The following FHIT variants were observed in gnomAD, a reference collection of about 807,000 sequenced individuals.
FHIT encodes fragile histidine triad diadenosine triphosphatase, also known as bis(5'-adenosyl)-triphosphatase.
In FHIT, 19 loss-of-function variants were observed where a neutral mutation model predicts 17.9. That is an observed-to-expected ratio of 1.06 (90% confidence interval 0.74 to 1.56). The LOEUF is 1.56. Among genes scored for constraint, FHIT ranks in the 40% most tolerant of loss-of-function variants. The probability of loss-of-function intolerance (pLI) is 0.00; values close to 1 mark genes in which losing one functional copy is unlikely to be tolerated. For synonymous variants in FHIT, 81 were observed against 69.7 expected, an observed-to-expected ratio of 1.16 and a Z score of -0.81; for missense variants, 248 against 189.2, an observed-to-expected ratio of 1.31 and a Z score of -1.82.
At chr3:60,236,885 A>G (rs1460751528) in intron 5 of FHIT, among the ~76,000 whole-genome samples, 6 of 152,148 alleles carry the variant, frequency 3.9e-5, no homozygotes, top group Non-Finnish European at 5.9e-5. Flanking sequence ...CACATATACA[A>G]GCTTTGTGTT....
rs142443494 is a variant in FHIT, at chr3:60,576,998, T to C, written c.-17-40019A>G. Among the ~76,000 whole-genome samples the C allele has an allele frequency of 2.9e-3, 435 of 148,020 alleles. 1 individual carries two copies. The highest frequency in any genetic ancestry group is 0.01 in the African/African-American group (417 of 40,120). On this transcript the variant is annotated intron_variant, in intron 4 of 9. Coordinates refer to ENST00000492590, the MANE Select transcript of FHIT (RefSeq NM_002012.4). ...CACACACAGGTCTCATCCAGTGATA[T>C]AGATAATTCAATATTCAACTTGTCG...
At chr3:61,204,919 A>C (rs1051967994) in intron 1 of FHIT, among the ~76,000 whole-genome samples, 3 of 151,778 alleles carry the variant, frequency 2.0e-5, no homozygotes, top group Non-Finnish European at 2.9e-5. Context: ...GGTGTGCTGC[A>C]CCCATTAACT....
chr3:60,614,809 GTTTTTTTTTTGTTTTTT>G (rs782127540), intron 4 of FHIT, among the ~76,000 whole-genome samples: 3 of 78,226 alleles, frequency 3.8e-5, no homozygotes. Flanking sequence ...TGCAAAAGTT[GTTTTTTTTTTGTTTTTT>G]TTTTGTTTTT....
At chr3:60,413,111 G>A (rs1702122428) in intron 5 of FHIT, among the ~76,000 whole-genome samples, 1 of 152,124 alleles carries the variant, frequency 6.6e-6, no homozygotes, top group South Asian at 2.1e-4. Context: ...TCTCAGACAT[G>A]TTGTTGATGT....
chr3:59,856,013 C>T (rs925318151), intron 8 of FHIT, among the ~76,000 whole-genome samples: 2 of 152,048 alleles, frequency 1.3e-5, no homozygotes, highest in Non-Finnish European at 2.9e-5. Context: ...GATCTCCTGA[C>T]TTCGTGATCC....
chr3:60,253,559 G>T (rs1423981220), intron 5 of FHIT, among the ~76,000 whole-genome samples: 1 of 152,156 alleles, frequency 6.6e-6, no homozygotes, highest in Non-Finnish European at 1.5e-5. Context: ...TCTCTGTTTT[G>T]CAGTCAATGA....
intron 5 of FHIT, among the ~76,000 whole-genome samples, chr3:60,430,598 T>A (rs1366120282): frequency 6.6e-6 from 1 of 152,098 alleles, no homozygotes; most frequent in Non-Finnish European, 1.5e-5. Context: ...TCTTATATCA[T>A]TCTCTCTCTA....
At chr3:60,606,836 C>A (rs569894171) in intron 4 of FHIT, among the ~76,000 whole-genome samples, 2 of 152,274 alleles carry the variant, frequency 1.3e-5, no homozygotes, top group East Asian at 3.9e-4. Context: ...GTTTCTAAGC[C>A]TAGTCCCTCC....
chr3:60,226,493 A>AAAAAAAGAAAAC (rs200934161), intron 5 of FHIT, among the ~76,000 whole-genome samples: 1 of 147,058 alleles, frequency 6.8e-6, no homozygotes, highest in African/African-American at 2.7e-5. Flanking sequence ...AAAAAAAAAA[A>AAAAAAAGAAAAC]ACACTGCCTG....
At chr3:60,964,211 T>C (rs1356998139) in intron 3 of FHIT, among the ~76,000 whole-genome samples, 2 of 152,188 alleles carry the variant, frequency 1.3e-5, no homozygotes, top group Non-Finnish European at 1.5e-5. Context: ...CTTTTCATCT[T>C]TGTTGGTTTA....
At chr3:60,505,072 G>A (rs936050520) in intron 5 of FHIT, among the ~76,000 whole-genome samples, 1 of 142,700 alleles carries the variant, frequency 7.0e-6, no homozygotes, top group Non-Finnish European at 1.5e-5. Flanking sequence ...ATTTGTCAAA[G>A]ATGTATTTTT....
chr3:61,067,837 G>A (rs190203453), intron 2 of FHIT, among the ~76,000 whole-genome samples: 3 of 152,254 alleles, frequency 2.0e-5, no homozygotes, highest in African/African-American at 7.2e-5. Flanking sequence ...ACCCTTTACT[G>A]AACAACCTGT....
chr3:60,084,189 T>A (rs1443638922), intron 5 of FHIT, among the ~76,000 whole-genome samples: 1 of 151,898 alleles, frequency 6.6e-6, no homozygotes, highest in East Asian at 1.9e-4. Flanking sequence ...GAATCAGGAG[T>A]AGGAAGAAAA....
chr3:61,086,271 C>G (rs931865572), intron 2 of FHIT, among the ~76,000 whole-genome samples: 3 of 152,064 alleles, frequency 2.0e-5, no homozygotes, highest in Non-Finnish European at 4.4e-5. Flanking sequence ...AGGATGTTTA[C>G]TTATAGTCCT....
At chr3:60,525,029 T>C (rs1181399276) in intron 5 of FHIT, among the ~76,000 whole-genome samples, 1 of 152,028 alleles carries the variant, frequency 6.6e-6, no homozygotes, top group Non-Finnish European at 1.5e-5. Context: ...GATGGAGGAG[T>C]ACAAGTAGGA....
chr3:60,331,690 T>C (rs1709985450), intron 5 of FHIT, among the ~76,000 whole-genome samples: 1 of 151,842 alleles, frequency 6.6e-6, no homozygotes, highest in African/African-American at 2.4e-5. Flanking sequence ...CTGCTAAAAA[T>C]ACAAAATTAG....
chr3:60,388,146 C>G (rs926976021), intron 5 of FHIT, among the ~76,000 whole-genome samples: 1 of 152,154 alleles, frequency 6.6e-6, no homozygotes, highest in African/African-American at 2.4e-5. Context: ...TACCTAGTCT[C>G]AGGTATTCTT....
At chr3:60,128,660 C>G (rs1309816651) in intron 5 of FHIT, among the ~76,000 whole-genome samples, 1 of 152,216 alleles carries the variant, frequency 6.6e-6, no homozygotes, top group Admixed American at 6.5e-5. Flanking sequence ...GTAAGAATTA[C>G]TCTGCAACCA....
intron 5 of FHIT, among the ~76,000 whole-genome samples, chr3:60,062,667 A>G (rs924150820): frequency 1.3e-5 from 2 of 152,142 alleles, no homozygotes; most frequent in African/African-American, 4.8e-5. Flanking sequence ...GCTAATTAAA[A>G]CAGAAACAAA....
Sources: gnomAD v4.1 joint callset for allele counts (sites outside exome capture counted in the v4.1 genomes callset) on GRCh38, gnomAD v4.1.1 for gene constraint, MANE v1.5 for transcripts, NCBI Gene and HGNC (gene_info 2026-07-23, HGNC 2026-07-21) for gene names.